Variants in AGBL1 observed in about 807,000 individuals in gnomAD.
AGBL1 encodes the protein AGBL carboxypeptidase 1, also known as cytosolic carboxypeptidase 4.
A neutral mutation model predicts 118.9 loss-of-function variants in AGBL1; 130 were observed. The ratio of observed to expected loss-of-function variants is 1.09; its 90% CI spans 0.95 to 1.26. The LOEUF is 1.26. Among genes scored for constraint, AGBL1 ranks in the 50% most tolerant of loss-of-function variants. The pLI is 0.00. For missense variants in AGBL1, 1,584 were observed against 1,298.1 expected (o/e 1.22, Z -3.38); for synonymous variants, 555 against 478.9 (o/e 1.16, Z -2.08).
intron 21 of AGBL1, among the ~76,000 whole-genome samples, chr15:86,560,839 G>C (rs887762077): frequency 2.0e-5 from 3 of 152,298 alleles, no homozygotes; most frequent in African/African-American, 7.2e-5. Context: ...ATTCTAACTG[G>C]TGTGAGATGG....
chr15:86,204,445 C>G (rs1455453427), intron 5 of AGBL1, among the ~76,000 whole-genome samples: 1 of 152,096 alleles, frequency 6.6e-6, no homozygotes, highest in Non-Finnish European at 1.5e-5. Flanking sequence ...TGTCTCCCAT[C>G]AGAGTGGTGC....
intron 22 of AGBL1, among the ~76,000 whole-genome samples, chr15:86,843,568 T>A (rs1287061847): frequency 6.6e-6 from 1 of 152,098 alleles, no homozygotes; most frequent in Non-Finnish European, 1.5e-5. Flanking sequence ...CAGAAGGAGG[T>A]ACTGCAAACA....
intron 7 of AGBL1, among the ~76,000 whole-genome samples, chr15:86,250,583 T>C (rs537813270): frequency 2.3e-5 from 3 of 130,158 alleles, no homozygotes; most frequent in Non-Finnish European, 4.7e-5. Context: ...AGGTGTGCTC[T>C]TCCAGAGAAA....
intron 17 of AGBL1, among the ~76,000 whole-genome samples, chr15:86,336,698 C>A (rs2080374829): frequency 1.3e-5 from 2 of 152,180 alleles, no homozygotes; most frequent in Admixed American, 1.3e-4. Context: ...CAAGACACTG[C>A]CCATTTTCAG....
chr15:86,386,439 T>A (rs1328674999), intron 17 of AGBL1, among the ~76,000 whole-genome samples: 1 of 150,478 alleles, frequency 6.6e-6, no homozygotes, highest in Non-Finnish European at 1.5e-5. Flanking sequence ...GTGAGTTTTC[T>A]GGGAGAGGGG....
At chr15:86,847,460 A>G (rs185233217) in intron 22 of AGBL1, among the ~76,000 whole-genome samples, 1 of 152,318 alleles carries the variant, frequency 6.6e-6, no homozygotes, top group African/African-American at 2.4e-5. Flanking sequence ...TGCTTTGACT[A>G]AGTCTTTGTC....
In AGBL1 at chr15:86,478,197, C is replaced by T. The variant is rs970819908; in HGVS notation, c.2556-44613C>T. Among the ~76,000 whole-genome samples, 257 of 152,260 alleles carry T rather than the reference C, an allele frequency of 1.7e-3. 2 individuals carry two copies. Among genetic ancestry groups the T allele is most frequent in the African/African-American group, 6.0e-3 (248 of 41,546 alleles). On this transcript the variant is annotated intron_variant, in intron 18 of 22. Coordinates refer to ENST00000614907, the MANE Select transcript of AGBL1 (RefSeq NM_001386094.1). ...AAGACAGAGATGCCCTCTCTCACCA[C>T]CCCTACTGAACATAGTGTTGGAAGT...
intron 24 of AGBL1, among the ~76,000 whole-genome samples, chr15:86,998,930 G>A (rs1182058159): frequency 1.3e-5 from 2 of 151,116 alleles, no homozygotes; most frequent in Non-Finnish European, 2.9e-5. Context: ...TGTTACATAT[G>A]TATACATGTG....
intron 20 of AGBL1, among the ~76,000 whole-genome samples, chr15:86,552,786 G>A (rs2083681682): frequency 6.6e-6 from 1 of 152,148 alleles, no homozygotes; most frequent in Non-Finnish European, 1.5e-5. Context: ...TGGATAAGAT[G>A]AAATCAGTTA....
At chr15:86,203,227 C>G (rs1457056962) in intron 5 of AGBL1, among the ~76,000 whole-genome samples, 1 of 152,036 alleles carries the variant, frequency 6.6e-6, no homozygotes, top group African/African-American at 2.4e-5. Flanking sequence ...CTTCATGGTA[C>G]AGATTCGTTT....
chr15:86,120,339 A>C (rs1347230561), intron 1 of AGBL1, among the ~76,000 whole-genome samples: 1 of 152,152 alleles, frequency 6.6e-6, no homozygotes, highest in Non-Finnish European at 1.5e-5. Flanking sequence ...AGTCACTCCT[A>C]ATGTTCCCAT....
chr15:86,356,375 C>T (rs1991667), intron 17 of AGBL1, among the ~76,000 whole-genome samples: 72,305 of 151,628 alleles, frequency 0.48, 18,511 homozygotes, highest in Non-Finnish European at 0.57. Flanking sequence ...CCCGCACGCA[C>T]GCGCATGTGT....
At chr15:86,724,317 T>A (rs1286251435) in intron 22 of AGBL1, among the ~76,000 whole-genome samples, 1 of 143,264 alleles carries the variant, frequency 7.0e-6, no homozygotes, top group Non-Finnish European at 1.5e-5. Flanking sequence ...ACATCGGCAA[T>A]AAGGAAACCA....
chr15:86,197,531 C>T (rs2077833514), intron 5 of AGBL1, among the ~76,000 whole-genome samples: 1 of 152,170 alleles, frequency 6.6e-6, no homozygotes, highest in South Asian at 2.1e-4. Flanking sequence ...GGATAATTAC[C>T]TGAGGCGATT....
chr15:86,108,441 A>C (rs751542698), intron 1 of AGBL1, among the ~76,000 whole-genome samples: 1 of 152,232 alleles, frequency 6.6e-6, no homozygotes. Flanking sequence ...TTGAGGAATA[A>C]TTTAGTATGC....
intron 18 of AGBL1, among the ~76,000 whole-genome samples, chr15:86,484,909 T>C (rs2448929): frequency 0.39 from 59,062 of 152,034 alleles, 12,448 homozygotes; most frequent in Middle Eastern, 0.53. Flanking sequence ...TTCCACTCTG[T>C]TTTACCTTTT....
At chr15:86,558,332 GCAGCCTA>G (rs2083765137) in intron 21 of AGBL1, among the ~76,000 whole-genome samples, 1 of 152,092 alleles carries the variant, frequency 6.6e-6, no homozygotes, top group Admixed American at 6.6e-5. Context: ...CTCCCTACCT[GCAGCCTA>G]CATCCAATAG....
At chr15:86,877,448 T>G (rs1313148236) in intron 22 of AGBL1, among the ~76,000 whole-genome samples, 1 of 152,196 alleles carries the variant, frequency 6.6e-6, no homozygotes, top group East Asian at 1.9e-4. Context: ...AGTTGTGTTC[T>G]TGGAGATGAG....
intron 22 of AGBL1, among the ~76,000 whole-genome samples, chr15:86,863,120 C>T (rs757519647): frequency 3.3e-5 from 5 of 151,972 alleles, no homozygotes; most frequent in East Asian, 1.9e-4. Flanking sequence ...AGATTCCATG[C>T]GTATAAATAG....
Sources: gnomAD v4.1 joint callset for allele counts (sites outside exome capture counted in the v4.1 genomes callset) on GRCh38, gnomAD v4.1.1 for gene constraint, MANE v1.5 for transcripts, NCBI Gene and HGNC (gene_info 2026-07-23, HGNC 2026-07-21) for gene names.